The following BACH1 variants were observed in gnomAD, a reference collection of about 807,000 sequenced individuals.
BACH1 encodes the protein BTB domain and CNC homolog 1.
In BACH1, 35 loss-of-function variants were observed where a neutral mutation model predicts 52.9. That is an observed-to-expected ratio of 0.66 (90% CI 0.51 to 0.88). The LOEUF (loss-of-function observed/expected upper bound fraction) is 0.88, where lower values mean the gene tolerates loss of function less well. Ranked by LOEUF, BACH1 falls within the 40% of genes least tolerant of loss-of-function variation. BACH1 has a pLI of 0.00. For synonymous variants in BACH1, 321 were observed against 319.6 expected (o/e 1.00, Z -0.05); for missense variants, 808 against 872.6 (o/e 0.93, Z 0.93).
intron 2 of BACH1, among the ~76,000 whole-genome samples, chr21:29,352,117 C>T (rs1025984482): frequency 2.7e-5 from 4 of 149,782 alleles, no homozygotes; most frequent in South Asian, 2.1e-4. Context: ...TGCAGTGGCG[C>T]GATCAGAGCT....
chr21:29,342,775 G>A lies in BACH1; in HGVS notation c.2153G>A (p.Ser718Asn). 6.2e-7 allele frequency: 1 copy of A among 1,612,772 alleles called. No homozygotes were observed. Among genetic ancestry groups the A allele is most frequent in the South Asian group, 1.1e-5 (1 of 91,064 alleles). ...GGGCCTGCGGAACAGTGTCGTCAGA[G>A]TGGTGGGATCTCAGATTTCTGTCAG... ...QAGPAEQCRQSGGISDFCQQM... is the reference protein window; with the variant it reads ...QAGPAEQCRQNGGISDFCQQM... Residue 718 changes from serine to asparagine, a missense_variant, in exon 5 of 5, where the codon AGT becomes AAT. Coordinates refer to ENST00000286800, the MANE Select transcript of BACH1 (RefSeq NM_001186.4).
In BACH1 at chr21:29,326,994, G is replaced by A. The variant is rs1208839535; in HGVS notation, c.1170G>A (p.Glu390=). The A allele has an allele frequency of 6.2e-7, 1 of 1,613,954 alleles. No individual in the cohort carries two copies. Among genetic ancestry groups the A allele is most frequent in the Admixed American group, 1.7e-5 (1 of 60,014 alleles). ...CATCTAGTGATAGGAGTAGTGTGGA[G>A]CGAGAAGTGGCAGAACACCTAGCAA... The part of the protein sequence containing the change: ...SVASSDRSSV[E]REVAEHLAKG... The change falls in exon 3 of 5, where the codon GAG becomes GAA. Residue 390 remains glutamate (E), a synonymous_variant. Coordinates refer to ENST00000286800, the MANE Select transcript of BACH1 (RefSeq NM_001186.4).
chr21:29,346,798 G>A (rs1239880066), downstream of BACH1, among the ~76,000 whole-genome samples: 3 of 152,218 alleles, frequency 2.0e-5, no homozygotes, highest in African/African-American at 4.8e-5. Context: ...AGAGTTCAAA[G>A]GAGACAGGGT....
At chr21:29,318,095 T>A (rs1309709370) in intron 1 of BACH1, among the ~76,000 whole-genome samples, 1 of 152,006 alleles carries the variant, frequency 6.6e-6, no homozygotes, top group Non-Finnish European at 1.5e-5. Context: ...AAAAAAAAAA[T>A]TGAATGGAGT....
rs766474434 is a variant in BACH1, at chr21:29,326,246, C to G, written c.422C>G (p.Pro141Arg). The change falls in exon 3 of 5, where the codon CCA becomes CGA. Residue 141 changes from proline to arginine, a missense_variant. By Grantham distance (103) the Pro-to-Arg change is moderately radical (BLOSUM62 -2). Transcript: ENST00000286800. The part of the protein sequence containing the change: ...LDSTADQQEC[P>R]RKKCFSSHCQ... Reference sequence around the variant, plus strand: ...TCCACTGCAGACCAGCAAGAATGCCCAAGAAAAAAATGCTTTTCATCACAC... The same window carrying G: ...TCCACTGCAGACCAGCAAGAATGCCGAAGAAAAAAATGCTTTTCATCACAC... 5.0e-5 allele frequency: 81 copies of G among 1,612,936 alleles called. No homozygotes were observed. The highest frequency in any genetic ancestry group is 6.7e-5 in the Non-Finnish European group (79 of 1,179,728).
chr21:29,316,054 A>T (rs750779744), intron 1 of BACH1, among the ~76,000 whole-genome samples: 2 of 152,188 alleles, frequency 1.3e-5, no homozygotes, highest in African/African-American at 2.4e-5. Context: ...CATATAATCT[A>T]TTGAAACTTG....
rs1334294493 is a variant in BACH1 at position 29,342,603 on chromosome 21, G to C, written c.1981G>C (p.Asp661His). Residue 661 changes from aspartate to histidine, a missense_variant, in exon 5 of 5, where the codon GAT (aspartate) becomes CAT (histidine). Asp to His is a moderately conservative substitution (Grantham distance 81). Coordinates refer to ENST00000286800, the MANE Select transcript of BACH1 (RefSeq NM_001186.4). ...LISEKDKSTP[D>H]GELALPSIFS... ...TTCTGAAAAAGATAAAAGTACTCCT[G>C]ATGGTGAACTGGCGTTACCATCAAT... The C allele has an allele frequency of 6.2e-7, 1 of 1,614,068 alleles. No homozygotes were observed. The highest frequency in any genetic ancestry group is 1.3e-5 in the African/African-American group (1 of 74,924).
chr21:29,332,183 C>T (rs1422765311), intron 4 of BACH1, among the ~76,000 whole-genome samples: 2 of 152,198 alleles, frequency 1.3e-5, no homozygotes, highest in African/African-American at 2.4e-5. Flanking sequence ...ATCCGCCCGC[C>T]TCAGCCTTCC....
intron 2 of BACH1, among the ~76,000 whole-genome samples, chr21:29,360,176 T>G (rs1222396153): frequency 6.6e-6 from 1 of 152,176 alleles, no homozygotes; most frequent in Non-Finnish European, 1.5e-5. Flanking sequence ...AAAATCAAGC[T>G]AAAATGTATA....
intron 1 of BACH1, among the ~76,000 whole-genome samples, chr21:29,316,379 C>T (rs1197487280): frequency 6.6e-6 from 1 of 152,180 alleles, no homozygotes; most frequent in Non-Finnish European, 1.5e-5. Context: ...CATCCTTTAT[C>T]AGCACTAGTG....
At chr21:29,304,793 C>G (rs866955246) in intron 1 of BACH1, among the ~76,000 whole-genome samples, 81 of 152,208 alleles carry the variant, frequency 5.3e-4, no homozygotes, top group African/African-American at 1.9e-3. Flanking sequence ...CACCCAACTT[C>G]CTCTTTACTG....
intron 2 of BACH1, among the ~76,000 whole-genome samples, chr21:29,321,743 A>T (rs760224941): frequency 6.7e-6 from 1 of 148,888 alleles, no homozygotes; most frequent in Non-Finnish European, 1.5e-5. Flanking sequence ...ACCCACTGTT[A>T]TGTTATTTTT....
At chr21:29,305,235 C>G (rs1223398360) in intron 1 of BACH1, 1 of 151,408 alleles carries the variant, frequency 6.6e-6, no homozygotes, top group Non-Finnish European at 1.5e-5. Flanking sequence ...AGCATTTTGC[C>G]CAGCTCACTC....
At chr21:29,325,988 C>G in intron 2 of BACH1, 71 bp from the exon 3 acceptor site, 1 of 1,401,592 alleles carries the variant, frequency 7.1e-7, no homozygotes, top group African/African-American at 1.4e-5. Flanking sequence ...TATTCCTCTT[C>G]TACTTATTTT....
chr21:29,342,532 T>A lies in BACH1; in HGVS notation c.1910T>A (p.Ile637Lys). The stretch of plus-strand genomic sequence containing the variant: ...GCTCTGAGTCAAGAACAAATACAGA[T>A]ACTCGCCAAGTACTCAGCTGCAGAT... ...EAALSQEQIQILAKYSAADCP... is the reference protein window; with the variant it reads ...EAALSQEQIQKLAKYSAADCP... Residue 637 changes from isoleucine (I) to lysine (K), a missense_variant, in exon 5 of 5, where the codon ATA (isoleucine) becomes AAA (lysine). By Grantham distance (102) the Ile-to-Lys change is moderately radical (BLOSUM62 -3). Transcript: ENST00000286800. 1 of 1,614,234 alleles carries A rather than the reference T, an allele frequency of 6.2e-7. No individual in the cohort carries two copies. Among genetic ancestry groups the A allele is most frequent in the Non-Finnish European group, 8.5e-7 (1 of 1,180,038 alleles).
intron 4 of BACH1, among the ~76,000 whole-genome samples, chr21:29,330,498 A>G (rs1478941082): frequency 6.6e-6 from 1 of 152,092 alleles, no homozygotes; most frequent in Non-Finnish European, 1.5e-5. Context: ...CTATTCCAGC[A>G]TCAAGACACA....
chr21:29,328,868 A>C (rs1282372700), intron 3 of BACH1, among the ~76,000 whole-genome samples: 1 of 152,374 alleles, frequency 6.6e-6, no homozygotes, highest in East Asian at 1.9e-4. Flanking sequence ...TATTGTAGGC[A>C]AATGGCAGGA....
intron 4 of BACH1, among the ~76,000 whole-genome samples, chr21:29,329,950 A>G (rs1165624300): frequency 6.6e-6 from 1 of 152,190 alleles, no homozygotes; most frequent in African/African-American, 2.4e-5. Context: ...ATTATAAAGC[A>G]CTTTAGGTTC....
intron 2 of BACH1, among the ~76,000 whole-genome samples, chr21:29,358,825 G>A (rs1031244992): frequency 1.0e-4 from 15 of 146,012 alleles, no homozygotes; most frequent in Non-Finnish European, 1.8e-4. Context: ...AAGAAAGAAA[G>A]AAATGTAAAA....
Sources: gnomAD v4.1 joint callset for allele counts (sites outside exome capture counted in the v4.1 genomes callset) on GRCh38, gnomAD v4.1.1 for gene constraint, MANE v1.5 for transcripts, NCBI Gene and HGNC (gene_info 2026-07-23, HGNC 2026-07-21) for gene names.